CAMTA1: variants seen among roughly 807,000 people sequenced by gnomAD.
CAMTA1 encodes calmodulin-binding transcription activator 1.
A neutral mutation model predicts 170.9 loss-of-function variants in CAMTA1; 27 were observed. The ratio of observed to expected loss-of-function variants is 0.16; its 90% confidence interval spans 0.12 to 0.22. The LOEUF (loss-of-function observed/expected upper bound fraction) is 0.22, where lower values mean the gene tolerates loss of function less well. Among genes scored for constraint, CAMTA1 ranks in the 10% least tolerant of loss-of-function variants. The probability of loss-of-function intolerance (pLI) is 1.00; values close to 1 mark genes in which losing one functional copy is unlikely to be tolerated. For missense variants in CAMTA1, 1,619 were observed against 2,217.2 expected (o/e 0.73, Z 5.42); for synonymous variants, 833 against 891.5 (o/e 0.93, Z 1.17).
Position 7,044,639 on chromosome 1 carries a change from G to A in CAMTA1, c.235-46665G>A, listed in dbSNP as rs1261795885. On this transcript the variant is annotated intron_variant, in intron 3 of 22. Coordinates refer to ENST00000303635, the MANE Select transcript of CAMTA1 (RefSeq NM_015215.4). The surrounding 1 kb of genome is among the most constrained non-coding windows in gnomAD (Gnocchi z 5.0). ...CGTCCTCTCCGACCTTGGAGACCTGGCATTTGGAGCCTGAATGAGCCAGAG... is the reference window on the plus strand; with the variant it reads ...CGTCCTCTCCGACCTTGGAGACCTGACATTTGGAGCCTGAATGAGCCAGAG... Among the ~76,000 whole-genome samples the A allele has an allele frequency of 6.6e-6, 1 of 152,144 alleles. No homozygotes were observed. The highest frequency in any genetic ancestry group is 1.5e-5 in the Non-Finnish European group (1 of 68,010).
intron 1 of CAMTA1, among the ~76,000 whole-genome samples, chr1:6,787,162 A>G (rs1639650931): frequency 6.6e-6 from 1 of 152,178 alleles, no homozygotes; most frequent in Non-Finnish European, 1.5e-5. Flanking sequence ...TGAGCCTGTT[A>G]CTTTGACTTT....
chr1:7,230,441 C>A lies in CAMTA1; in HGVS notation c.303-19050C>A, dbSNP rs1342122937. Among the ~76,000 whole-genome samples the A allele has an allele frequency of 1.8e-4, 16 of 86,646 alleles. 4 individuals are homozygous for A. The highest frequency in any genetic ancestry group is 5.9e-4 in the African/African-American group (11 of 18,622). The allele number at this position is 86,646 out of a possible 152,430, so 56.8% of individuals were successfully genotyped here. On this transcript the variant is annotated intron_variant, in intron 4 of 22. Transcript: ENST00000303635. ...CTGCTGCTCTGGGCTGACCCCCCCC[C>A]CCCGCCCCGCAAAGCTCTGTGGAAA...
At chr1:7,282,210 G>T (rs1180596272) in intron 5 of CAMTA1, among the ~76,000 whole-genome samples, 1 of 152,152 alleles carries the variant, frequency 6.6e-6, no homozygotes, top group Non-Finnish European at 1.5e-5. Flanking sequence ...AATTGTCGAA[G>T]CACGCTTGCC....
chr1:7,042,298 A>T (rs569695598), intron 3 of CAMTA1, among the ~76,000 whole-genome samples: 2 of 152,210 alleles, frequency 1.3e-5, no homozygotes, highest in South Asian at 2.1e-4. Context: ...CTGGCACCAT[A>T]GCCTGGGTAC....
chr1:7,658,132 C>T (rs1368314282), intron 7 of CAMTA1, among the ~76,000 whole-genome samples: 1 of 152,220 alleles, frequency 6.6e-6, no homozygotes, highest in Non-Finnish European at 1.5e-5. Context: ...TGGGGCTGCC[C>T]TGAAAACAGC....
intron 6 of CAMTA1, among the ~76,000 whole-genome samples, chr1:7,604,915 G>A (rs1378118724): frequency 6.6e-6 from 1 of 152,222 alleles, no homozygotes; most frequent in Non-Finnish European, 1.5e-5. Flanking sequence ...ACCCTCAGCT[G>A]CAGGTCTGTT....
At chr1:7,259,883 C>A (rs750180353) in intron 5 of CAMTA1, among the ~76,000 whole-genome samples, 2 of 152,190 alleles carry the variant, frequency 1.3e-5, no homozygotes, top group African/African-American at 2.4e-5. Context: ...CTCCTCTGAA[C>A]GGGGAACTTG....
rs1445158187 is a variant in CAMTA1 at position 7,588,269 on chromosome 1, C to T, written c.511-52131C>T. 6.6e-6 allele frequency among the ~76,000 whole-genome samples: 1 copy of T among 151,464 alleles called. No individual in the cohort carries two copies. Among genetic ancestry groups the T allele is most frequent in the Non-Finnish European group, 1.5e-5 (1 of 68,042 alleles). On this transcript the variant is annotated intron_variant, in intron 6 of 22. Coordinates refer to ENST00000303635, the MANE Select transcript of CAMTA1 (RefSeq NM_015215.4). This position sits in a 1 kb window ranked among gnomAD's most constrained non-coding sequence, Gnocchi z 5.8. ...CCGCCCCAGTTCTCACTGCCTCTGA[C>T]ACCCACGCTGGTGTGGCCCTGCTGG...
At chr1:7,542,879 G>GTGTGTGTGTGTGT (rs1459264062) in intron 6 of CAMTA1, among the ~76,000 whole-genome samples, 2 of 138,164 alleles carry the variant, frequency 1.4e-5, no homozygotes, top group Admixed American at 7.3e-5. Flanking sequence ...GTGTGTGTGT[G>GTGTGTGTGTGTGT]TTTGAGCCGG....
Position 7,732,932 on chromosome 1 carries a change from G to A in CAMTA1, c.3066+333G>A, listed in dbSNP as rs777688323. On this transcript the variant is annotated intron_variant, in intron 12 of 22. Coordinates refer to ENST00000303635, the MANE Select transcript of CAMTA1 (RefSeq NM_015215.4). The surrounding 1 kb of genome is among the most constrained non-coding windows in gnomAD (Gnocchi z 4.1). ...AGGCTGGCTGGGCATGGTGGCTCACGCCTATAATCCCAGCGCTGTAGGAGG... is the reference window on the plus strand; with the variant it reads ...AGGCTGGCTGGGCATGGTGGCTCACACCTATAATCCCAGCGCTGTAGGAGG... Among the ~76,000 whole-genome samples the A allele has an allele frequency of 1.3e-5, 2 of 152,136 alleles. No individual in the cohort carries two copies. Among genetic ancestry groups the A allele is most frequent in the Non-Finnish European group, 2.9e-5 (2 of 68,024 alleles).
In CAMTA1 at chr1:7,312,923, A is replaced by G. The variant is rs112168472; in HGVS notation, c.438+63297A>G. Among the ~76,000 whole-genome samples, 1,172 of 151,916 alleles carry G rather than the reference A, an allele frequency of 7.7e-3. 13 individuals are homozygous for G. The highest frequency in any genetic ancestry group is 0.027 in the African/African-American group (1,115 of 41,430). On this transcript the variant is annotated intron_variant, in intron 5 of 22. Transcript: ENST00000303635. The stretch of plus-strand genomic sequence containing the variant: ...AAGTTGTGGTAGTGTTTGGTCAACT[A>G]TTTTTAATGGCTCCATGACATTTTC...
intron 3 of CAMTA1, among the ~76,000 whole-genome samples, chr1:6,858,840 C>A (rs987932740): frequency 6.6e-6 from 1 of 152,106 alleles, no homozygotes; most frequent in Non-Finnish European, 1.5e-5. Flanking sequence ...ATAGAGCATT[C>A]CTTTGTCTAA....
intron 5 of CAMTA1, among the ~76,000 whole-genome samples, chr1:7,357,351 T>C (rs2153862): frequency 0.15 from 23,091 of 152,214 alleles, 2,732 homozygotes; most frequent in East Asian, 0.55. Context: ...TCTGGGCTCC[T>C]GGTGAGGAGG....
In CAMTA1 at chr1:7,561,542, A is replaced by T. The variant is rs142100359; in HGVS notation, c.511-78858A>T. Among the ~76,000 whole-genome samples the T allele has an allele frequency of 4.7e-3, 717 of 151,818 alleles. 1 individual carries two copies. Among genetic ancestry groups the T allele is most frequent in the Non-Finnish European group, 7.9e-3 (539 of 67,888 alleles). ...GGTGAGAGAAAGCCTCTTGCCTGTA[A>T]ACTCGTTGCAGGCGCAGGGATGGGC... is the stretch of plus-strand genomic sequence containing the variant. On this transcript the variant is annotated intron_variant, in intron 6 of 22. Coordinates refer to ENST00000303635, the MANE Select transcript of CAMTA1 (RefSeq NM_015215.4). This position sits in a 1 kb window ranked among gnomAD's most constrained non-coding sequence, Gnocchi z 5.3.
In CAMTA1 at chr1:7,310,408, A is replaced by G. The variant is rs56288706; in HGVS notation, c.438+60782A>G. Among the ~76,000 whole-genome samples the G allele has an allele frequency of 6.1e-3, 931 of 152,260 alleles. 9 individuals are homozygous for G. Among genetic ancestry groups the G allele is most frequent in the African/African-American group, 0.021 (893 of 41,546 alleles). ...TATATCACAACTACCTAACTGTGCC[A>G]TTGTCTCACTAACACAGTCATAGAT... On this transcript the variant is annotated intron_variant, in intron 5 of 22. Transcript: ENST00000303635.
intron 4 of CAMTA1, among the ~76,000 whole-genome samples, chr1:7,181,890 G>A (rs901639884): frequency 3.3e-5 from 5 of 152,038 alleles, no homozygotes; most frequent in Admixed American, 2.6e-4. Context: ...CAAACATGCA[G>A]TAACCACGAT....
intron 4 of CAMTA1, among the ~76,000 whole-genome samples, chr1:7,159,824 C>T (rs1647099488): frequency 6.6e-6 from 1 of 152,204 alleles, no homozygotes; most frequent in East Asian, 1.9e-4. Flanking sequence ...CTGGGAATTA[C>T]AGGCATGAGC....
intron 6 of CAMTA1, among the ~76,000 whole-genome samples, chr1:7,484,224 G>A (rs939900090): frequency 5.9e-5 from 9 of 152,252 alleles, no homozygotes; most frequent in South Asian, 4.1e-4. Context: ...CCTCAGGTCC[G>A]CCTTCCCTCG....
intron 6 of CAMTA1, among the ~76,000 whole-genome samples, chr1:7,526,363 A>T (rs1725224): frequency 0.37 from 55,795 of 151,738 alleles, 11,126 homozygotes; most frequent in Non-Finnish European, 0.45. Flanking sequence ...TCTCCTTCCT[A>T]AGCCCGTGGC....
Sources: gnomAD v4.1 joint callset for allele counts (sites outside exome capture counted in the v4.1 genomes callset) on GRCh38, gnomAD v4.1.1 for gene constraint, Gnocchi (gnomAD v3.1) non-coding constraint, MANE v1.5 for transcripts, NCBI Gene and HGNC (gene_info 2026-07-23, HGNC 2026-07-21) for gene names.